The following THSD1 variants were observed in gnomAD, a reference collection of about 807,000 sequenced individuals.
THSD1 encodes the protein thrombospondin type 1 domain containing 1.
A neutral mutation model predicts 46.3 loss-of-function variants in THSD1; 34 were observed. The ratio of observed to expected loss-of-function variants is 0.74; its 90% CI spans 0.56 to 0.98. The LOEUF (loss-of-function observed/expected upper bound fraction) is 0.98, where lower values mean the gene tolerates loss of function less well. THSD1 is among the 50% of genes least tolerant of loss of function. THSD1 has a pLI of 0.00. For missense variants in THSD1, 1,023 were observed against 1,058.3 expected (o/e 0.97, Z 0.46); for synonymous variants, 407 against 416.5 (o/e 0.98, Z 0.28).
chr13:52,391,418 AT>A (rs1957772338), intron 3 of THSD1, among the ~76,000 whole-genome samples: 1 of 151,822 alleles, frequency 6.6e-6, no homozygotes, highest in Non-Finnish European at 1.5e-5. Flanking sequence ...GGTTTTTGCT[AT>A]GTTGCCCAGG....
rs557598061 is a variant in THSD1, at chr13:52,405,613, G to C, written c.-82+418C>G. On this transcript the variant is annotated intron_variant, in intron 1 of 4. Coordinates refer to ENST00000258613, the MANE Select transcript of THSD1 (RefSeq NM_018676.4). ...TGCCCGCAAGCCCAGTTCACGCCTG[G>C]AAGTCTACCCCTCGCGTCGTCAGCT... Among the ~76,000 whole-genome samples the C allele has an allele frequency of 8.5e-5, 13 of 152,330 alleles. No homozygotes were observed. The South Asian group carries it at 2.3e-3, about 27-fold the overall frequency.
At chr13:52,393,141 C>T (rs973373444) in intron 3 of THSD1, among the ~76,000 whole-genome samples, 9 of 152,256 alleles carry the variant, frequency 5.9e-5, no homozygotes, top group African/African-American at 2.2e-4. Flanking sequence ...ATTTAAACAC[C>T]ATTGACCTTG....
At position 52,386,007 on chromosome 13, in the gene THSD1, G is replaced by A. The variant is rs373522842; in HGVS notation, c.1180+21C>T. 2.8e-5 allele frequency: 45 copies of A among 1,610,894 alleles called. No homozygotes were observed. In the African/African-American group the frequency reaches 4.5e-4, roughly 16 times the overall value. On this transcript the variant is annotated intron_variant, in intron 4 of 4. Transcript: ENST00000258613. ...ATGAAGGCTCTGAGGAGAGACTCCCGAAGGAAGCAAGAATACCTACCAGCA... is the reference window on the plus strand; with the variant it reads ...ATGAAGGCTCTGAGGAGAGACTCCCAAAGGAAGCAAGAATACCTACCAGCA...
chr13:52,397,297 A>C lies in THSD1; in HGVS notation c.956T>G (p.Phe319Cys). Residue 319 changes from phenylalanine to cysteine, a missense_variant, in exon 3 of 5, where the codon TTT becomes TGT. This residue lies in a region of THSD1 where 429 missense variants were observed against 518.3 expected (regional missense o/e 0.83). Coordinates refer to ENST00000258613, the MANE Select transcript of THSD1 (RefSeq NM_018676.4). ...DMGKNKYCFD[F>C]GISSRSHFSA... Reference sequence around the variant, plus strand: ...AAAATGGCTTCTGCTTGAAATGCCAAAGTCAAAGCAGTACTTATTCTTCCC... The same window carrying C: ...AAAATGGCTTCTGCTTGAAATGCCACAGTCAAAGCAGTACTTATTCTTCCC... The C allele has an allele frequency of 6.2e-7, 1 of 1,613,326 alleles. No individual in the cohort carries two copies. Among genetic ancestry groups the C allele is most frequent in the Non-Finnish European group, 8.5e-7 (1 of 1,179,736 alleles).
At chr13:52,399,942 C>A in intron 2 of THSD1, 1 of 158,560 alleles carries the variant, frequency 6.3e-6, no homozygotes, top group South Asian at 1.7e-4. Flanking sequence ...CAGGATGGTT[C>A]TGTGGTCCAT....
At chr13:52,381,822 G>A (rs928486910) in intron 4 of THSD1, among the ~76,000 whole-genome samples, 2 of 152,082 alleles carry the variant, frequency 1.3e-5, no homozygotes, top group African/African-American at 4.8e-5. Context: ...GACCTATCTT[G>A]CTCCTTGTCT....
intron 3 of THSD1, among the ~76,000 whole-genome samples, chr13:52,389,684 AT>A (rs1957758988): frequency 1.3e-5 from 2 of 152,324 alleles, no homozygotes; most frequent in Admixed American, 6.5e-5. Flanking sequence ...AAAAGGGTCA[AT>A]TCAGCAAGGA....
rs190685276 is a variant in THSD1 at position 52,397,021 on chromosome 13, T to G, written c.1021+211A>C. 4.9e-4 allele frequency among the ~76,000 whole-genome samples: 75 copies of G among 152,294 alleles called. 1 individual carries two copies. The highest frequency in any genetic ancestry group is 2.6e-4 in the Non-Finnish European group (18 of 68,026). On this transcript the variant is annotated intron_variant, in intron 3 of 4. Transcript: ENST00000258613. ...AAGTATGTACTTGTATTGCCCCTAT[T>G]TTACTGATGGGGAAATGAGATGTAA...
chr13:52,398,277 A>T (rs1306137766), intron 2 of THSD1, 83 bp from the exon 3 acceptor site: 32 of 1,515,904 alleles, frequency 2.1e-5, no homozygotes, highest in Non-Finnish European at 2.5e-5. Flanking sequence ...CAGAATTTTT[A>T]AATTTTTTTT....
Position 52,378,573 on chromosome 13 carries a change from T to C in THSD1, c.1397A>G (p.Glu466Gly), listed in dbSNP as rs201805081. 383 of 1,614,132 alleles carry C rather than the reference T, an allele frequency of 2.4e-4. 1 individual carries two copies. The highest frequency in any genetic ancestry group is 1.2e-5 in the Non-Finnish European group (14 of 1,180,032). ...CTGCTCGCTCAGCTCGCAGATATTC[T>C]CCTCGTCCGAGTTCTTCCGGAAGCT... ...SPSFRKNSDE[E>G]NICELSEQRG... Residue 466 changes from glutamate to glycine, a missense_variant, in exon 5 of 5, where the codon GAG becomes GGG. Glu to Gly is a moderately conservative substitution (Grantham distance 98). Coordinates refer to ENST00000258613, the MANE Select transcript of THSD1 (RefSeq NM_018676.4).
At chr13:52,400,884 G>C (rs75309668) in intron 2 of THSD1, among the ~76,000 whole-genome samples, 1,618 of 152,268 alleles carry the variant, frequency 0.011, 27 homozygotes, top group African/African-American at 0.036. Context: ...GAATTTCGAT[G>C]CTTTATTTAT....
chr13:52,385,171 G>A (rs745995122), intron 4 of THSD1, among the ~76,000 whole-genome samples: 1 of 152,102 alleles, frequency 6.6e-6, no homozygotes, highest in Non-Finnish European at 1.5e-5. Flanking sequence ...GAGCTAAGAT[G>A]GTCTTTTAAC....
At position 52,378,056 on chromosome 13, in the gene THSD1, G is replaced by C. The variant is rs1311530971; in HGVS notation, c.1914C>G (p.Gly638=). The C allele has an allele frequency of 6.2e-7, 1 of 1,614,124 alleles. No individual in the cohort carries two copies. Among genetic ancestry groups the C allele is most frequent in the Non-Finnish European group, 8.5e-7 (1 of 1,180,038 alleles). Residue 638 remains glycine, a synonymous_variant, in exon 5 of 5, where the codon GGC becomes GGG. Coordinates refer to ENST00000258613, the MANE Select transcript of THSD1 (RefSeq NM_018676.4). The stretch of plus-strand genomic sequence containing the variant: ...TCCTGGCATGGCTCCTTTCGGACGG[G>C]CCCCCTCTGCTGCCCACGTGCCTTG... ...SQARHVGSRG[G]PSERSHARNA... is the part of the protein sequence containing the mutation.
At chr13:52,402,392 C>T in intron 2 of THSD1, 151 bp downstream of exon 2, 2 of 468,134 alleles carry the variant, frequency 4.3e-6, no homozygotes. Context: ...CATAAGAGAA[C>T]CCAGGGTTGC....
Position 52,402,605 on chromosome 13 carries a change from A to G in THSD1, c.-5T>C, listed in dbSNP as rs1957873437. The stretch of plus-strand genomic sequence containing the variant: ...GTCTTTCAACATTGGTTTCATTCTG[A>G]TTGACAAAATCCCAGGTCTTTAGTC... On this transcript the variant is annotated 5_prime_UTR_variant, in exon 2 of 5. Coordinates refer to ENST00000258613, the MANE Select transcript of THSD1 (RefSeq NM_018676.4). 1 of 1,613,810 alleles carries G rather than the reference A, an allele frequency of 6.2e-7. No individual in the cohort carries two copies. The highest frequency in any genetic ancestry group is 8.5e-7 in the Non-Finnish European group (1 of 1,179,892).
In THSD1 at chr13:52,377,694, G is replaced by A; in HGVS notation, c.2276C>T (p.Ala759Val). Residue 759 changes from alanine (A) to valine (V), a missense_variant, in exon 5 of 5, where the codon GCT becomes GTT. By Grantham distance (64) the Ala-to-Val change is moderately conservative (BLOSUM62 0). Transcript: ENST00000258613. ...GTGACTGGGGGACGGTCCCCGACGAGCTCTGTGGGGCTCTGTTCTCTCAAT... is the reference window on the plus strand; with the variant it reads ...GTGACTGGGGGACGGTCCCCGACGAACTCTGTGGGGCTCTGTTCTCTCAAT... ...AGIERTEPHR[A>V]RRGPSPSHKS... is the part of the protein sequence containing the mutation. 6.2e-7 allele frequency: 1 copy of A among 1,610,424 alleles called. No individual in the cohort carries two copies. The highest frequency in any genetic ancestry group is 8.5e-7 in the Non-Finnish European group (1 of 1,177,246).
rs369676347 is a variant in THSD1 at position 52,389,353 on chromosome 13, A to C, written c.1022-3167T>G. ...ATTCAATTAATCTAAAATAAGGCAG[A>C]AAAAAAGATGAAAAAACAGAATGGA... On this transcript the variant is annotated intron_variant, in intron 3 of 4. Coordinates refer to ENST00000258613, the MANE Select transcript of THSD1 (RefSeq NM_018676.4). Among the ~76,000 whole-genome samples the C allele has an allele frequency of 1.7e-4, 26 of 152,006 alleles. No individual in the cohort carries two copies. The East Asian group carries it at 3.7e-3, about 21-fold the overall frequency.
At chr13:52,385,525 G>A (rs1957724375) in intron 4 of THSD1, among the ~76,000 whole-genome samples, 1 of 152,110 alleles carries the variant, frequency 6.6e-6, no homozygotes, top group Non-Finnish European at 1.5e-5. Context: ...TGTCCCTCTG[G>A]GTAGGGGCAG....
At chr13:52,386,235 G>A (rs372023350) in intron 3 of THSD1, 49 bp from the exon 4 acceptor site, 1 of 1,563,496 alleles carries the variant, frequency 6.4e-7, no homozygotes, top group Non-Finnish European at 8.7e-7. Flanking sequence ...TTGAGAATCA[G>A]TATTTAACTG....
Sources: gnomAD v4.1 joint callset for allele counts (sites outside exome capture counted in the v4.1 genomes callset) on GRCh38, gnomAD v4.1.1 for gene constraint, gnomAD v4.1.1 regional missense constraint, MANE v1.5 for transcripts, NCBI Gene and HGNC (gene_info 2026-07-23, HGNC 2026-07-21) for gene names.